The following CACNB2 variants were observed in gnomAD, a reference collection of about 807,000 sequenced individuals.
CACNB2 encodes voltage-dependent L-type calcium channel subunit beta-2.
In CACNB2, 42 loss-of-function variants were observed where a neutral mutation model predicts 73.3. That is an observed-to-expected ratio of 0.57 (90% CI 0.45 to 0.74). CACNB2 has a LOEUF of 0.74. Ranked by LOEUF, CACNB2 falls within the 30% of genes least tolerant of loss-of-function variation. CACNB2 has a pLI of 0.00. For missense variants in CACNB2, 940 were observed against 853.0 expected (o/e 1.10, Z -1.27); for synonymous variants, 348 against 310.3 (o/e 1.12, Z -1.28).
chr10:18,227,089 G>T (rs1044752108), intron 2 of CACNB2, among the ~76,000 whole-genome samples: 1 of 152,148 alleles, frequency 6.6e-6, no homozygotes, highest in African/African-American at 2.4e-5. Context: ...AGACCATAAT[G>T]ATAAAACAAC....
chr10:18,447,744 G>T (rs950419868), intron 3 of CACNB2, among the ~76,000 whole-genome samples: 12 of 150,018 alleles, frequency 8.0e-5, no homozygotes, highest in African/African-American at 2.9e-4. Flanking sequence ...TGAACAGAAA[G>T]TACATCACAT....
chr10:18,331,945 G>T (rs2040823767), intron 2 of CACNB2, among the ~76,000 whole-genome samples: 1 of 152,164 alleles, frequency 6.6e-6, no homozygotes, highest in Non-Finnish European at 1.5e-5. Flanking sequence ...AGCACTCTAA[G>T]CAGATGGAAG....
At chr10:18,487,963 TAA>T (rs2049157663) in intron 3 of CACNB2, among the ~76,000 whole-genome samples, 1 of 151,552 alleles carries the variant, frequency 6.6e-6, no homozygotes, top group South Asian at 2.1e-4. Context: ...ACAGAGGGAA[TAA>T]AAAGTCATGC....
At chr10:18,486,342 A>G (rs572188782) in intron 3 of CACNB2, among the ~76,000 whole-genome samples, 3 of 152,246 alleles carry the variant, frequency 2.0e-5, no homozygotes, top group Non-Finnish European at 4.4e-5. Flanking sequence ...CCATGAAATT[A>G]TAATGTGTTT....
At chr10:18,151,584 A>C (rs765531845) in intron 2 of CACNB2, among the ~76,000 whole-genome samples, 2 of 152,142 alleles carry the variant, frequency 1.3e-5, no homozygotes, top group Non-Finnish European at 2.9e-5. Context: ...CTAACATATA[A>C]ACACGCTTAT....
Position 18,518,345 on chromosome 10 carries a change from A to G in CACNB2, c.814A>G (p.Thr272Ala), listed in dbSNP as rs774403238. The G allele has an allele frequency of 1.2e-6, 2 of 1,611,418 alleles. No homozygotes were observed. Among genetic ancestry groups the G allele is most frequent in the South Asian group, 1.1e-5 (1 of 91,006 alleles). ...TCTCCTCTCTCTGCAGACAGAGCAC[A>G]CTCCTCCGTATGATGTGGTACCTTC... ...RMPFFKKTEH[T>A]PPYDVVPSMR... The change falls in exon 8 of 14, where the codon ACT becomes GCT. Residue 272 changes from threonine to alanine, a missense_variant. Thr to Ala is a moderately conservative substitution (Grantham distance 58). Coordinates refer to ENST00000324631, the MANE Select transcript of CACNB2 (RefSeq NM_201596.3).
At chr10:18,283,853 G>A (rs911616483) in intron 2 of CACNB2, among the ~76,000 whole-genome samples, 2 of 152,124 alleles carry the variant, frequency 1.3e-5, no homozygotes. Flanking sequence ...TCAAACAACT[G>A]TGAGCAAAGA....
At chr10:18,149,367 A>G (rs952744504) in intron 1 of CACNB2, among the ~76,000 whole-genome samples, 1 of 152,224 alleles carries the variant, frequency 6.6e-6, no homozygotes, top group Non-Finnish European at 1.5e-5. Context: ...TTAACCGAGG[A>G]CAACCTTGTA....
At chr10:18,392,223 G>A (rs2043511017) in intron 2 of CACNB2, among the ~76,000 whole-genome samples, 2 of 152,062 alleles carry the variant, frequency 1.3e-5, no homozygotes, top group South Asian at 4.1e-4. Flanking sequence ...AGAGATCAGC[G>A]GAAGAGGACG....
At chr10:18,224,363 T>C (rs1425376562) in intron 2 of CACNB2, 1 of 149,564 alleles carries the variant, frequency 6.7e-6, no homozygotes, top group African/African-American at 2.4e-5. Flanking sequence ...TCCAATTTCT[T>C]TGTAGTCTCA....
intron 2 of CACNB2, among the ~76,000 whole-genome samples, chr10:18,291,855 A>G (rs1228118220): frequency 1.3e-5 from 2 of 152,204 alleles, no homozygotes; most frequent in African/African-American, 2.4e-5. Flanking sequence ...CATGTTGGTA[A>G]GAGTATTTGG....
chr10:18,161,550 A>G (rs542849169), intron 2 of CACNB2, among the ~76,000 whole-genome samples: 2 of 149,226 alleles, frequency 1.3e-5, no homozygotes, highest in Non-Finnish European at 3.0e-5. Flanking sequence ...CATGACCCCC[A>G]TTCTCATTGC....
chr10:18,140,682 G>A lies in CACNB2; in HGVS notation c.-55G>A. 6.7e-7 allele frequency: 1 copy of A among 1,496,564 alleles called. No individual in the cohort carries two copies. Among genetic ancestry groups the A allele is most frequent in the Non-Finnish European group, 9.2e-7 (1 of 1,091,880 alleles). 92.7% of individuals were successfully genotyped at this position (1,496,564 alleles called of 1,614,324 possible). A position where few individuals can be genotyped will look rare whatever the true frequency, so the allele number is the denominator to read the frequency against. On this transcript the variant is annotated 5_prime_UTR_variant, in exon 1 of 14. Transcript: ENST00000324631. ...GAGCGCGGGGAGGCGGGGGCGAGGA[G>A]GAGGGGACCCGCCGCCGGGGGCTGG...
At chr10:18,447,320 A>G (rs1439066124) in intron 3 of CACNB2, among the ~76,000 whole-genome samples, 2 of 152,186 alleles carry the variant, frequency 1.3e-5, no homozygotes, top group African/African-American at 4.8e-5. Context: ...TGTTTTGTGG[A>G]AGTAGAGCTA....
intron 2 of CACNB2, among the ~76,000 whole-genome samples, chr10:18,319,130 G>A (rs1254588786): frequency 6.6e-6 from 1 of 152,124 alleles, no homozygotes; most frequent in East Asian, 1.9e-4. Context: ...TCATTCTACT[G>A]TAAAGACACA....
chr10:18,289,284 G>GTTTTTTTTTTTTTTTTTTTTTTTTTTTTT lies in CACNB2; in HGVS notation c.214-112633_214-112632insTTTTTTTTTTTTTTTTTTTTTTTTTTTTT, dbSNP rs1489491866. Among the ~76,000 whole-genome samples, 2 of 85,544 alleles carry GTTTTTTTTTTTTTTTTTTTTTTTTTTTTT rather than the reference G, an allele frequency of 2.3e-5. 1 individual carries two copies. Among genetic ancestry groups the GTTTTTTTTTTTTTTTTTTTTTTTTTTTTT allele is most frequent in the Non-Finnish European group, 4.4e-5 (2 of 44,980 alleles). The allele number at this position is 85,544 out of a possible 152,430, so 56.1% of individuals were successfully genotyped here. ...GAAGTTGTCTTCATTTTTTTTTCTT[G>GTTTTTTTTTTTTTTTTTTTTTTTTTTTTT]TTTTTTTGTTTTGTTTTTTTTTTTT... On this transcript the variant is annotated intron_variant, in intron 2 of 13. Coordinates refer to ENST00000324631, the MANE Select transcript of CACNB2 (RefSeq NM_201596.3).
chr10:18,400,964 G>C (rs569402536), intron 2 of CACNB2: 1 of 1,611,272 alleles, frequency 6.2e-7, no homozygotes, highest in Admixed American at 1.7e-5. Context: ...GGTTCTCCGG[G>C]GCTCAGCGCG....
chr10:18,266,456 A>G (rs1051906972), intron 2 of CACNB2, among the ~76,000 whole-genome samples: 3 of 152,166 alleles, frequency 2.0e-5, no homozygotes, highest in Non-Finnish European at 4.4e-5. Context: ...TCACTGGGCT[A>G]GAGAAGTGCT....
intron 3 of CACNB2, among the ~76,000 whole-genome samples, chr10:18,469,654 T>C (rs944647524): frequency 1.3e-5 from 2 of 152,188 alleles, no homozygotes; most frequent in African/African-American, 4.8e-5. Context: ...TAATTTTACA[T>C]TTGTACAAAT....
Sources: allele counts gnomAD v4.1 joint callset (sites outside exome capture counted in the v4.1 genomes callset), GRCh38; gene constraint gnomAD v4.1.1; transcripts MANE v1.5; gene names NCBI Gene and HGNC (gene_info 2026-07-23, HGNC 2026-07-21).